MBD5: variants seen among roughly 807,000 people sequenced by gnomAD.
MBD5 encodes methyl-CpG binding domain protein 5.
MBD5 carries 13 observed loss-of-function variants against 117.3 expected under a neutral mutation model. That is an observed-to-expected ratio of 0.11 (90% CI 0.07 to 0.18). The LOEUF (loss-of-function observed/expected upper bound fraction) is 0.18, where lower values mean the gene tolerates loss of function less well. Ranked by LOEUF, MBD5 falls within the 10% of genes least tolerant of loss-of-function variation. MBD5 has a pLI of 1.00. For missense variants in MBD5, 1,879 were observed against 2,093.8 expected (o/e 0.90, Z 2.00); for synonymous variants, 727 against 766.4 (o/e 0.95, Z 0.85).
chr2:148,161,273 G>T (rs1482408021), intron 1 of MBD5, among the ~76,000 whole-genome samples: 3 of 152,110 alleles, frequency 2.0e-5, no homozygotes, highest in Non-Finnish European at 4.4e-5. Context: ...TCCAGAGTGG[G>T]ACATTGAGCA....
chr2:148,488,070 G>A (rs1198465125), intron 10 of MBD5, among the ~76,000 whole-genome samples: 6 of 152,152 alleles, frequency 3.9e-5, no homozygotes, highest in Non-Finnish European at 7.4e-5. Context: ...CTTGAGGAAG[G>A]GGCTTGGGAT....
At chr2:148,210,448 C>T (rs1273786520) in intron 2 of MBD5, among the ~76,000 whole-genome samples, 1 of 151,924 alleles carries the variant, frequency 6.6e-6, no homozygotes, top group Non-Finnish European at 1.5e-5. Flanking sequence ...TGCTAAATTA[C>T]ACAGATCCAA....
At chr2:148,335,726 A>G (rs972396713) in intron 3 of MBD5, among the ~76,000 whole-genome samples, 1 of 151,800 alleles carries the variant, frequency 6.6e-6, no homozygotes, top group Admixed American at 6.6e-5. Flanking sequence ...CTTAAAGAAT[A>G]ATAATAATAA....
chr2:148,420,673 T>TA (rs1197371017), intron 4 of MBD5, among the ~76,000 whole-genome samples: 1 of 151,964 alleles, frequency 6.6e-6, no homozygotes, highest in Non-Finnish European at 1.5e-5. Context: ...GCTCTACCCA[T>TA]ATTGCCCTCT....
intron 1 of MBD5, among the ~76,000 whole-genome samples, chr2:148,151,526 C>T (rs150579188): frequency 0.038 from 5,762 of 152,288 alleles, 125 homozygotes; most frequent in Middle Eastern, 0.068. Context: ...GGTACCAGCT[C>T]CTCCTTGTAC....
At chr2:148,127,372 T>G (rs926645146) in intron 1 of MBD5, among the ~76,000 whole-genome samples, 3 of 152,128 alleles carry the variant, frequency 2.0e-5, no homozygotes, top group African/African-American at 7.2e-5. Flanking sequence ...TAGCTATTCT[T>G]CCTGATGCTC....
chr2:148,120,609 G>T (rs981914347), intron 1 of MBD5, among the ~76,000 whole-genome samples: 5 of 152,084 alleles, frequency 3.3e-5, no homozygotes, highest in Non-Finnish European at 7.4e-5. Context: ...TTGACATATT[G>T]TTAACTTTGT....
chr2:148,255,752 A>G (rs1700575002), intron 3 of MBD5, among the ~76,000 whole-genome samples: 1 of 152,222 alleles, frequency 6.6e-6, no homozygotes, highest in South Asian at 2.1e-4. Context: ...CAGCCCCACA[A>G]AGACAGGAGT....
rs146885882 is a variant in MBD5, at chr2:148,282,367, GA to G, written c.-680+48973del. Among the ~76,000 whole-genome samples the G allele has an allele frequency of 5.1e-3, 781 of 152,158 alleles. 9 individuals carry two copies. The highest frequency in any genetic ancestry group is 0.018 in the African/African-American group (753 of 41,522). ...ATACCAATTCATGTTCTCATAGCAT[GA>G]CTTCCAGACTCAAATTGGATGGATT... On this transcript the variant is annotated intron_variant, in intron 3 of 13. Coordinates refer to ENST00000642680, the MANE Select transcript of MBD5 (RefSeq NM_001378120.1).
At chr2:148,064,195 A>G (rs371380372) in intron 1 of MBD5, among the ~76,000 whole-genome samples, 104 of 138,684 alleles carry the variant, frequency 7.5e-4, no homozygotes, top group Non-Finnish European at 3.0e-4. Context: ...GCGCGATCTC[A>G]GCTCACTGCA....
chr2:148,492,414 C>T (rs1259885687), intron 11 of MBD5, among the ~76,000 whole-genome samples: 1 of 151,902 alleles, frequency 6.6e-6, no homozygotes, highest in Non-Finnish European at 1.5e-5. Flanking sequence ...TCAAGATATA[C>T]TATATACTAA....
chr2:148,366,242 T>C (rs1703692411), intron 4 of MBD5, among the ~76,000 whole-genome samples: 1 of 151,896 alleles, frequency 6.6e-6, no homozygotes, highest in Admixed American at 6.6e-5. Context: ...ATTATCTCAA[T>C]AGATGCAAAA....
At chr2:148,386,407 C>A (rs149950035) in intron 4 of MBD5, among the ~76,000 whole-genome samples, 1 of 152,106 alleles carries the variant, frequency 6.6e-6, no homozygotes, top group Non-Finnish European at 1.5e-5. Flanking sequence ...TGTGAGTAGA[C>A]ATTTAAAAGA....
At chr2:148,088,092 G>A (rs1695842189) in intron 1 of MBD5, among the ~76,000 whole-genome samples, 1 of 151,656 alleles carries the variant, frequency 6.6e-6, no homozygotes, top group Non-Finnish European at 1.5e-5. Flanking sequence ...TTCAACAATA[G>A]AATCAAACAG....
intron 1 of MBD5, among the ~76,000 whole-genome samples, chr2:148,149,048 C>T (rs1263792981): frequency 6.6e-6 from 1 of 152,052 alleles, no homozygotes; most frequent in Non-Finnish European, 1.5e-5. Context: ...ACTAAATCGT[C>T]ATCTAGCATT....
At chr2:148,221,263 T>C (rs1344455166) in intron 2 of MBD5, among the ~76,000 whole-genome samples, 1 of 152,176 alleles carries the variant, frequency 6.6e-6, no homozygotes, top group African/African-American at 2.4e-5. Context: ...TTCGATACGC[T>C]GATTTCTTTT....
In MBD5 at chr2:148,057,647, A is replaced by T. The variant is rs773371567; in HGVS notation, c.-925+35963A>T. On this transcript the variant is annotated intron_variant, in intron 1 of 13. Transcript: ENST00000642680. ...AACCCATACTGCAATACTAGAATAA[A>T]TTTTTTCCAATTTTAAATTCAATGT... 5.9e-5 allele frequency among the ~76,000 whole-genome samples: 9 copies of T among 151,916 alleles called. No homozygotes were observed. The South Asian group carries it at 1.2e-3, about 21-fold the overall frequency.
At chr2:148,511,806 A>C (rs1682222668) in intron 13 of MBD5, among the ~76,000 whole-genome samples, 1 of 152,228 alleles carries the variant, frequency 6.6e-6, no homozygotes, top group Non-Finnish European at 1.5e-5. Context: ...AAAACCCATA[A>C]ACATTATTTA....
chr2:148,149,843 C>A (rs1310136153), intron 1 of MBD5, among the ~76,000 whole-genome samples: 1 of 150,324 alleles, frequency 6.7e-6, no homozygotes, highest in Non-Finnish European at 1.5e-5. Context: ...GATATTAGCC[C>A]TTTGTCAGAT....
Sources: allele counts gnomAD v4.1 joint callset (sites outside exome capture counted in the v4.1 genomes callset), GRCh38; gene constraint gnomAD v4.1.1; transcripts MANE v1.5; gene names NCBI Gene and HGNC (gene_info 2026-07-23, HGNC 2026-07-21).